The following GK5 variants were observed in gnomAD, a reference collection of about 807,000 sequenced individuals.
The protein encoded by GK5 is ATP:glycerol 3-phosphotransferase 5.
In GK5, 39 loss-of-function variants were observed where a neutral mutation model predicts 77.3. That is an observed-to-expected ratio of 0.50 (90% CI 0.39 to 0.66). The LOEUF is 0.66. Ranked by LOEUF, GK5 falls within the 30% of genes least tolerant of loss-of-function variation. GK5 has a pLI of 0.00. For synonymous variants in GK5, 211 were observed against 208.0 expected, an observed-to-expected ratio of 1.01 and a Z score of -0.13; for missense variants, 487 against 633.8, an observed-to-expected ratio of 0.77 and a Z score of 2.49.
chr3:142,187,631 A>C, intron 6 of GK5, 73 bp downstream of exon 6: 3 of 1,115,648 alleles, frequency 2.7e-6, no homozygotes, highest in Non-Finnish European at 3.9e-6. Context: ...AGTAACTTCT[A>C]CTTTTTTTAG....
chr3:142,208,728 AGT>A (rs2064146785), intron 3 of GK5, among the ~76,000 whole-genome samples: 1 of 152,210 alleles, frequency 6.6e-6, no homozygotes, highest in Non-Finnish European at 1.5e-5. Flanking sequence ...TTGTACCAGG[AGT>A]TGGGTACACA....
At chr3:142,184,387 AATTT>A (rs1394465913) in intron 9 of GK5, among the ~76,000 whole-genome samples, 28 of 152,002 alleles carry the variant, frequency 1.8e-4, no homozygotes, top group Admixed American at 1.3e-3. Flanking sequence ...AACCCTCACA[AATTT>A]ATTTATTTTA....
chr3:142,220,144 A>T (rs1334013872), intron 1 of GK5, among the ~76,000 whole-genome samples: 6 of 149,610 alleles, frequency 4.0e-5, no homozygotes, highest in African/African-American at 7.3e-5. Context: ...ATTTTAACAA[A>T]TTTTTTTTTT....
intron 8 of GK5, 26 bp from the exon 9 acceptor site, chr3:142,186,015 T>TA (rs776287284): frequency 2.6e-6 from 4 of 1,530,118 alleles, no homozygotes; most frequent in Non-Finnish European, 3.6e-6. Context: ...ATTAAAAAGT[T>TA]AGTTACAGCT....
At chr3:142,170,796 A>ACAGC (rs1560209491) in intron 14 of GK5, among the ~76,000 whole-genome samples, 2 of 151,610 alleles carry the variant, frequency 1.3e-5, no homozygotes, top group African/African-American at 4.9e-5. Flanking sequence ...TGCCCAAAGG[A>ACAGC]TATACACCCA....
intron 1 of GK5, among the ~76,000 whole-genome samples, chr3:142,219,537 A>C (rs192559924): frequency 1.7e-4 from 26 of 152,346 alleles, no homozygotes; most frequent in African/African-American, 5.5e-4. Context: ...GTGTTACGGA[A>C]AACAGATCAG....
intron 1 of GK5, among the ~76,000 whole-genome samples, chr3:142,216,858 T>C (rs1397671410): frequency 6.6e-6 from 1 of 152,166 alleles, no homozygotes; most frequent in Non-Finnish European, 1.5e-5. Flanking sequence ...CAGATCCAAA[T>C]AGTACTGCCA....
At chr3:142,186,551 T>C in intron 6 of GK5, 38 bp from the exon 7 acceptor site, 2 of 992,434 alleles carry the variant, frequency 2.0e-6, no homozygotes, top group Non-Finnish European at 3.0e-6. Context: ...TATTATCAGA[T>C]AGTATAAATC....
rs941949535 is a variant in GK5, at chr3:142,162,233, T to C, written c.*3389A>G. 6.6e-6 allele frequency: 1 copy of C among 152,236 alleles called. No individual in the cohort carries two copies. The highest frequency in any genetic ancestry group is 1.5e-5 in the Non-Finnish European group (1 of 68,030). The allele number at this position is 152,236 out of a possible 1,614,324, so 9.4% of individuals were successfully genotyped here. ...GAAAGAAAAGGAGTATGACACTATA[T>C]TCACTGAGTCTTCGATTTTCTTCTA... On this transcript the variant is annotated 3_prime_UTR_variant, in exon 16 of 16. Transcript: ENST00000392993.
At chr3:142,170,931 C>T (rs2063528016) in intron 14 of GK5, among the ~76,000 whole-genome samples, 1 of 152,036 alleles carries the variant, frequency 6.6e-6, no homozygotes, top group Non-Finnish European at 1.5e-5. Flanking sequence ...ATTCCTATGA[C>T]CAAGAATTTT....
At chr3:142,204,299 C>A (rs771534519) in intron 4 of GK5, 3 of 262,194 alleles carry the variant, frequency 1.1e-5, no homozygotes, top group Non-Finnish European at 2.2e-5. Flanking sequence ...ATTACAGGCG[C>A]GAGCCATCAT....
chr3:142,185,681 A>T, intron 9 of GK5: 5 of 1,365,022 alleles, frequency 3.7e-6, no homozygotes, highest in Non-Finnish European at 4.8e-6. Context: ...CTGATAAACA[A>T]TATACAAGCA....
intron 12 of GK5, among the ~76,000 whole-genome samples, chr3:142,173,736 C>T (rs574597091): frequency 1.3e-5 from 2 of 151,742 alleles, no homozygotes; most frequent in African/African-American, 4.9e-5. Flanking sequence ...AACAAAGATC[C>T]CTGCTGGAGC....
intron 4 of GK5, among the ~76,000 whole-genome samples, chr3:142,202,967 T>G (rs1039041062): frequency 1.3e-5 from 2 of 152,170 alleles, no homozygotes; most frequent in Non-Finnish European, 1.5e-5. Context: ...ATTACAGAAG[T>G]AAATGTTTTC....
At position 142,182,919 on chromosome 3, in the gene GK5, T is replaced by A. The variant is rs369360718; in HGVS notation, c.943+4A>T. 6.2e-7 allele frequency: 1 copy of A among 1,601,696 alleles called. No homozygotes were observed. The highest frequency in any genetic ancestry group is 8.6e-7 in the Non-Finnish European group (1 of 1,169,166). On this transcript the variant is annotated splice_donor_region_variant and intron_variant, in intron 10 of 15. Coordinates refer to ENST00000392993, the MANE Select transcript of GK5 (RefSeq NM_001039547.3). Reference sequence around the variant, plus strand: ...AATAAATAGGATAAATCCTAACTACTTACCTCCAGTAGTCTGTTGAAGGCT... The same window carrying A: ...AATAAATAGGATAAATCCTAACTACATACCTCCAGTAGTCTGTTGAAGGCT...
At chr3:142,193,783 C>A (rs2063889850) in intron 5 of GK5, among the ~76,000 whole-genome samples, 1 of 152,102 alleles carries the variant, frequency 6.6e-6, no homozygotes, top group Non-Finnish European at 1.5e-5. Context: ...CTCTGTTGCC[C>A]AGGCTGGAGT....
At chr3:142,174,376 T>C (rs2063579903) in intron 12 of GK5, among the ~76,000 whole-genome samples, 2 of 152,216 alleles carry the variant, frequency 1.3e-5, no homozygotes, top group African/African-American at 4.8e-5. Context: ...AAAACGTATA[T>C]AGTAAATCTG....
At chr3:142,172,560 A>C (rs1205620512) in intron 12 of GK5, 104 bp from the exon 13 acceptor site, 3 of 519,680 alleles carry the variant, frequency 5.8e-6, no homozygotes, top group Non-Finnish European at 1.0e-5. Context: ...AGAAGAAAAT[A>C]ATGCTATGGT....
At chr3:142,174,306 A>C (rs1180989559) in intron 12 of GK5, among the ~76,000 whole-genome samples, 1 of 152,026 alleles carries the variant, frequency 6.6e-6, no homozygotes, top group East Asian at 1.9e-4. Flanking sequence ...TTTCCCTCCT[A>C]CTGAGATTTT....
Sources: gnomAD v4.1 joint callset for allele counts (sites outside exome capture counted in the v4.1 genomes callset) on GRCh38, gnomAD v4.1.1 for gene constraint, MANE v1.5 for transcripts, NCBI Gene and HGNC (gene_info 2026-07-23, HGNC 2026-07-21) for gene names.